SAMD12: variants seen among roughly 807,000 people sequenced by gnomAD.
SAMD12 encodes sterile alpha motif domain-containing protein 12.
SAMD12 carries 9 observed loss-of-function variants against 15.0 expected under a neutral mutation model. The observed-to-expected ratio is 0.60, with a 90% confidence interval of 0.36 to 1.05. The LOEUF (loss-of-function observed/expected upper bound fraction) is 1.05, where lower values mean the gene tolerates loss of function less well. Among genes scored for constraint, SAMD12 ranks in the 50% least tolerant of loss-of-function variants. The pLI is 0.01. For synonymous variants in SAMD12, 86 were observed against 90.1 expected (o/e 0.96, Z 0.25); for missense variants, 230 against 234.2 (o/e 0.98, Z 0.12).
rs149555704 is a variant in SAMD12, at chr8:118,302,587, G to A, written c.433+76973C>T. 5.1e-3 allele frequency among the ~76,000 whole-genome samples: 774 copies of A among 152,282 alleles called. 5 individuals are homozygous for A. The highest frequency in any genetic ancestry group is 0.018 in the African/African-American group (738 of 41,564). ...CTCCTACAATCTCTTACTTTCCACT[G>A]TAACTAATACCTGGAGTTCAGTCCA... On this transcript the variant is annotated intron_variant, in intron 4 of 4. Coordinates refer to the SAMD12 transcript ENST00000409003.
At chr8:118,469,719 C>T (rs4466433) in intron 2 of SAMD12, among the ~76,000 whole-genome samples, 19,413 of 146,154 alleles carry the variant, frequency 0.13, 1,418 homozygotes, top group East Asian at 0.27. Flanking sequence ...CGTGCCACCA[C>T]GCCTGGCTAT....
chr8:118,518,362 G>T (rs1404148205), intron 2 of SAMD12, among the ~76,000 whole-genome samples: 2 of 152,206 alleles, frequency 1.3e-5, no homozygotes, highest in Non-Finnish European at 2.9e-5. Context: ...GTGATAGGAA[G>T]TAACAAAGGC....
At chr8:118,618,567 C>A (rs1360390371) in intron 1 of SAMD12, among the ~76,000 whole-genome samples, 1 of 152,058 alleles carries the variant, frequency 6.6e-6, no homozygotes, top group Non-Finnish European at 1.5e-5. Flanking sequence ...GAGCAGGGCA[C>A]GGTGGCTCAC....
the SAMD12 span, among the ~76,000 whole-genome samples, chr8:118,179,192 A>G: frequency 2.6e-5 from 4 of 152,078 alleles, no homozygotes; most frequent in Non-Finnish European, 5.9e-5. Context: ...CTCTAATCCC[A>G]GTAGGGAGGC....
intron 4 of SAMD12, among the ~76,000 whole-genome samples, chr8:118,317,478 A>G (rs1242550705): frequency 1.3e-5 from 2 of 152,240 alleles, no homozygotes; most frequent in African/African-American, 2.4e-5. Context: ...AACTGCAGAC[A>G]ATACATGAAC....
rs948855475 is a variant in SAMD12 at position 118,611,598 on chromosome 8, T to TACA, written c.13+10203_13+10205dup. ...ACTTCCAACAAAATCAAGTACAAAGTACATCTGTGGGAGCCTTGTTAATAA... is the reference window on the plus strand; with the variant it reads ...ACTTCCAACAAAATCAAGTACAAAGTACAACATCTGTGGGAGCCTTGTTAATAA... On this transcript the variant is annotated intron_variant, in intron 1 of 3. Coordinates refer to ENST00000314727, the MANE Select transcript of SAMD12 (RefSeq NM_207506.3). 2.5e-4 allele frequency among the ~76,000 whole-genome samples: 38 copies of TACA among 152,282 alleles called. 1 individual carries two copies. The highest frequency in any genetic ancestry group is 8.4e-4 in the African/African-American group (35 of 41,562).
intron 2 of SAMD12, among the ~76,000 whole-genome samples, chr8:118,479,137 G>A (rs1824049549): frequency 6.7e-6 from 1 of 148,860 alleles, no homozygotes; most frequent in Admixed American, 6.6e-5. Context: ...CTCAGTTTCT[G>A]TCTCTCTGAT....
At chr8:118,338,831 T>C (rs1817208794) in intron 4 of SAMD12, among the ~76,000 whole-genome samples, 1 of 152,208 alleles carries the variant, frequency 6.6e-6, no homozygotes, top group African/African-American at 2.4e-5. Context: ...CTCATGTTTT[T>C]GTTATTTAAC....
At chr8:118,174,029 A>G in the SAMD12 span, among the ~76,000 whole-genome samples, 2 of 152,214 alleles carry the variant, frequency 1.3e-5, no homozygotes, top group Non-Finnish European at 1.5e-5. Context: ...GTAAAAAGAA[A>G]AAATTGTTCT....
At position 118,621,887 on chromosome 8, in the gene SAMD12, C is replaced by G. The variant is rs1350389434; in HGVS notation, c.-71G>C. The G allele has an allele frequency of 4.6e-6, 7 of 1,522,270 alleles. No individual in the cohort carries two copies. The highest frequency in any genetic ancestry group is 1.1e-5 in the South Asian group (1 of 89,272). The allele number at this position is 1,522,270 out of a possible 1,614,324, so 94.3% of individuals were successfully genotyped here. ...TACTCCTCCTGCCCCGCGCTCCCCC[C>G]TTCCTCTCGCTTTCGCCTAAATATT... On this transcript the variant is annotated 5_prime_UTR_variant, in exon 1 of 4. Transcript: ENST00000314727.
chr8:118,534,342 G>T (rs1480767508), intron 2 of SAMD12, among the ~76,000 whole-genome samples: 1 of 152,128 alleles, frequency 6.6e-6, no homozygotes, highest in African/African-American at 2.4e-5. Context: ...CCCTTTGTGG[G>T]TAACCCGACC....
chr8:118,565,489 C>T (rs1826821822), intron 2 of SAMD12, among the ~76,000 whole-genome samples: 1 of 152,212 alleles, frequency 6.6e-6, no homozygotes, highest in Non-Finnish European at 1.5e-5. Flanking sequence ...GATGCCACCA[C>T]CTCCTAGAGA....
chr8:118,547,488 A>T (rs142214623), intron 2 of SAMD12, among the ~76,000 whole-genome samples: 3 of 152,304 alleles, frequency 2.0e-5, no homozygotes, highest in African/African-American at 7.2e-5. Context: ...CTAACTGACC[A>T]AGGGCCAAAT....
At chr8:118,419,544 A>T (rs1183665760) in intron 3 of SAMD12, among the ~76,000 whole-genome samples, 1 of 152,180 alleles carries the variant, frequency 6.6e-6, no homozygotes, top group East Asian at 1.9e-4. Context: ...TTTATATTCT[A>T]CAGTGGTACC....
At chr8:118,390,411 A>G (rs1820210962) in intron 3 of SAMD12, among the ~76,000 whole-genome samples, 1 of 72,398 alleles carries the variant, frequency 1.4e-5, no homozygotes, top group African/African-American at 8.9e-5. Context: ...TTAGGAGTGG[A>G]CTCCACCAAG....
chr8:118,412,486 C>A (rs1001001959), intron 3 of SAMD12, among the ~76,000 whole-genome samples: 1 of 152,132 alleles, frequency 6.6e-6, no homozygotes, highest in African/African-American at 2.4e-5. Context: ...TCTGAAAATT[C>A]TTTTATATTC....
At chr8:118,144,142 T>C in the SAMD12 span, among the ~76,000 whole-genome samples, 1 of 152,148 alleles carries the variant, frequency 6.6e-6, no homozygotes, top group Non-Finnish European at 1.5e-5. Context: ...TTCTCCTCTG[T>C]GTGTCTTATA....
At chr8:118,150,915 AATT>A in the SAMD12 span, among the ~76,000 whole-genome samples, 2 of 152,040 alleles carry the variant, frequency 1.3e-5, no homozygotes, top group Admixed American at 6.6e-5. Context: ...GTATTTTTCA[AATT>A]CTTGGAAAGC....
intron 4 of SAMD12, among the ~76,000 whole-genome samples, chr8:118,219,782 G>A (rs1180779638): frequency 2.0e-5 from 3 of 152,222 alleles, no homozygotes; most frequent in African/African-American, 7.2e-5. Flanking sequence ...GAGTAAAGTT[G>A]TCTTGGACCA....
Sources: gnomAD v4.1 joint callset for allele counts (sites outside exome capture counted in the v4.1 genomes callset) on GRCh38, gnomAD v4.1.1 for gene constraint, MANE v1.5 for transcripts, NCBI Gene and HGNC (gene_info 2026-07-23, HGNC 2026-07-21) for gene names.